COA7: variants seen among roughly 807,000 people sequenced by gnomAD.
The protein encoded by COA7 is Sel1 repeat containing 1.
COA7 carries 12 observed loss-of-function variants against 21.0 expected under a neutral mutation model. The observed-to-expected ratio is 0.57, with a 90% confidence interval of 0.37 to 0.92. The LOEUF (loss-of-function observed/expected upper bound fraction) is 0.92. Ranked by LOEUF, COA7 falls within the 40% of genes least tolerant of loss-of-function variation. The pLI is 0.01. For missense variants in COA7, 240 were observed against 286.1 expected (o/e 0.84, Z 1.16); for synonymous variants, 95 against 107.4 (o/e 0.88, Z 0.72).
intron 1 of COA7, 112 bp from the exon 2 acceptor site, chr1:52,692,979 A>G: frequency 1.8e-6 from 2 of 1,137,214 alleles, no homozygotes; most frequent in African/African-American, 3.0e-5. Flanking sequence ...CTTTTAAGAC[A>G]GCCCCTGTCC....
rs957794234 is a variant in COA7, at chr1:52,697,271, A to G, written c.106+950T>C. On this transcript the variant is annotated intron_variant, in intron 1 of 2. Coordinates refer to ENST00000371538, the MANE Select transcript of COA7 (RefSeq NM_023077.3). ...ATACAAAAAATAAAAATAAAGCAAG[A>G]AGAAGAAAACCACCCAAAGGTATTA... is the stretch of plus-strand genomic sequence containing the variant. Among the ~76,000 whole-genome samples the G allele has an allele frequency of 7.2e-5, 11 of 152,226 alleles. No homozygotes were observed. The East Asian group carries it at 2.1e-3, about 29-fold the overall frequency.
chr1:52,691,625 C>T (rs1295094956), intron 2 of COA7, among the ~76,000 whole-genome samples: 9 of 151,934 alleles, frequency 5.9e-5, no homozygotes, highest in Non-Finnish European at 8.8e-5. Context: ...GTGCGCGCCA[C>T]CACGCCCAGC....
At chr1:52,697,802 G>C (rs944350170) in intron 1 of COA7, 2 of 157,324 alleles carry the variant, frequency 1.3e-5, no homozygotes, top group African/African-American at 4.8e-5. Flanking sequence ...TCGATCTCCT[G>C]ACCTCGTGAT....
rs1644015279 is a variant in COA7 at position 52,687,666 on chromosome 1, A to G, written c.*54T>C. 6.4e-7 allele frequency: 1 copy of G among 1,554,510 alleles called. No individual in the cohort carries two copies. On this transcript the variant is annotated 3_prime_UTR_variant, in exon 3 of 3. Transcript: ENST00000371538. ...TCAAGGGCTGCATCAGTCTTCAGAA[A>G]CAGGAGCTGCCAGCCTCAAGCAGTT...
chr1:52,688,004 A>C lies in COA7; in HGVS notation c.412T>G (p.Tyr138Asp), dbSNP rs2149903494. 6.2e-7 allele frequency: 1 copy of C among 1,614,180 alleles called. No individual in the cohort carries two copies. Among genetic ancestry groups the C allele is most frequent in the Non-Finnish European group, 8.5e-7 (1 of 1,180,042 alleles). ...TAGCCACCATCACAGGCCCTTGTGT[A>C]GTAGTCCCTGGCCTTTCCCAAGTCA... ...QPDLGKARDY[Y>D]TRACDGGYTS... Residue 138 changes from tyrosine (Y) to aspartate (D), a missense_variant, in exon 3 of 3, where the codon TAC becomes GAC. Physicochemically the swap from Tyr to Asp is radical, Grantham distance 160. This residue lies in a region of COA7 where 163 missense variants were observed against 214.1 expected (regional missense o/e 0.76). Transcript: ENST00000371538.
At chr1:52,695,032 G>A (rs1214154799) in intron 1 of COA7, among the ~76,000 whole-genome samples, 1 of 152,276 alleles carries the variant, frequency 6.6e-6, no homozygotes, top group East Asian at 1.9e-4. Context: ...GGTGGCTCAT[G>A]CCTGTAATCC....
Position 52,687,373 on chromosome 1 carries a change from A to C in COA7, c.*347T>G. On this transcript the variant is annotated 3_prime_UTR_variant, in exon 3 of 3. Coordinates refer to ENST00000371538, the MANE Select transcript of COA7 (RefSeq NM_023077.3). ...TTCCTGCTATCCTCCCTTCCCTACT[A>C]CCAATCTCCAGGGCTCTCTAGTTTG... The C allele has an allele frequency of 4.4e-6, 1 of 227,236 alleles. No homozygotes were observed. The highest frequency in any genetic ancestry group is 8.7e-6 in the Non-Finnish European group (1 of 114,984). The allele number at this position is 227,236 out of a possible 1,614,324, so 14.1% of individuals were successfully genotyped here. A position where few individuals can be genotyped will look rare whatever the true frequency, so the allele number is the denominator to read the frequency against.
intron 1 of COA7, among the ~76,000 whole-genome samples, chr1:52,694,642 G>A (rs1335722901): frequency 6.6e-6 from 1 of 152,064 alleles, no homozygotes; most frequent in Non-Finnish European, 1.5e-5. Context: ...GAGCCACTGG[G>A]GAGGGGCTCA....
chr1:52,691,818 C>T (rs1175591267), intron 2 of COA7, among the ~76,000 whole-genome samples: 1 of 151,914 alleles, frequency 6.6e-6, no homozygotes, highest in Non-Finnish European at 1.5e-5. Flanking sequence ...ATATTCCTTC[C>T]TCTTCAAGAA....
chr1:52,687,434 C>T lies in COA7; in HGVS notation c.*286G>A. ...TCACAGAGTTGCCAGAGTTTGAAAA[C>T]TAAGACCCCCATAAACATGGCTATC... On this transcript the variant is annotated 3_prime_UTR_variant, in exon 3 of 3. Transcript: ENST00000371538. 8.0e-6 allele frequency: 3 copies of T among 376,158 alleles called. 1 individual carries two copies. The South Asian group carries it at 1.6e-4, about 20-fold the overall frequency. 23.3% of individuals were successfully genotyped at this position (376,158 alleles called of 1,614,324 possible). A position where few individuals can be genotyped will look rare whatever the true frequency, so the allele number is the denominator to read the frequency against.
At chr1:52,695,324 G>C (rs1424637281) in intron 1 of COA7, among the ~76,000 whole-genome samples, 1 of 148,860 alleles carries the variant, frequency 6.7e-6, no homozygotes, top group Non-Finnish European at 1.5e-5. Flanking sequence ...AAAAAGCCAG[G>C]CGTGGTGGAA....
rs755296324 is a variant in COA7, at chr1:52,698,208, T to C, written c.106+13A>G. 1.3e-6 allele frequency: 2 copies of C among 1,594,582 alleles called. No homozygotes were observed. The highest frequency in any genetic ancestry group is 2.2e-5 in the South Asian group (2 of 90,700). ...TCCCCGACGCGTCGCCGGGCTGCGCTGGAGCCGCTCACCGTCCGGGTCCTT... is the reference window on the plus strand; with the variant it reads ...TCCCCGACGCGTCGCCGGGCTGCGCCGGAGCCGCTCACCGTCCGGGTCCTT... On this transcript the variant is annotated intron_variant, in intron 1 of 2. Coordinates refer to ENST00000371538, the MANE Select transcript of COA7 (RefSeq NM_023077.3).
chr1:52,689,156 TA>T (rs1644026330), intron 2 of COA7, among the ~76,000 whole-genome samples: 1 of 151,564 alleles, frequency 6.6e-6, no homozygotes, highest in African/African-American at 2.4e-5. Flanking sequence ...TTATTATTAT[TA>T]TTATTTTTTT....
In COA7 at chr1:52,687,372, T is replaced by C. The variant is rs407856; in HGVS notation, c.*348A>G. On this transcript the variant is annotated 3_prime_UTR_variant, in exon 3 of 3. Coordinates refer to ENST00000371538, the MANE Select transcript of COA7 (RefSeq NM_023077.3). ...CTTCCTGCTATCCTCCCTTCCCTAC[T>C]ACCAATCTCCAGGGCTCTCTAGTTT... 94,563 of 223,984 alleles carry C rather than the reference T, an allele frequency of 0.42. 23,141 individuals carry two copies. Among genetic ancestry groups the C allele is most frequent in the African/African-American group, 0.72 (31,942 of 44,136 alleles). The allele number at this position is 223,984 out of a possible 1,614,324, so 13.9% of individuals were successfully genotyped here.
intron 1 of COA7, among the ~76,000 whole-genome samples, chr1:52,695,292 T>C (rs1571719838): frequency 1.0e-5 from 1 of 96,340 alleles, no homozygotes; most frequent in South Asian, 3.8e-4. Flanking sequence ...AGACTCAGCC[T>C]CAGGGAAAAA....
At chr1:52,698,113 C>T in intron 1 of COA7, 108 bp downstream of exon 1, 1 of 810,166 alleles carries the variant, frequency 1.2e-6, no homozygotes, top group Non-Finnish European at 2.0e-6. Flanking sequence ...AGACCCCGTC[C>T]CCCGCCCGCC....
In COA7 at chr1:52,687,999, T is replaced by G. The variant is rs756268069; in HGVS notation, c.417A>C (p.Thr139=). The G allele has an allele frequency of 6.2e-7, 1 of 1,614,142 alleles. No individual in the cohort carries two copies. The highest frequency in any genetic ancestry group is 8.5e-7 in the Non-Finnish European group (1 of 1,180,026). ...PDLGKARDYY[T]RACDGGYTSS... The stretch of plus-strand genomic sequence containing the variant: ...AAGTATAGCCACCATCACAGGCCCT[T>G]GTGTAGTAGTCCCTGGCCTTTCCCA... Residue 139 remains threonine, a synonymous_variant, in exon 3 of 3, where the codon ACA becomes ACC. Transcript: ENST00000371538.
At chr1:52,694,461 G>GGAAAAAAAA (rs751466526) in intron 1 of COA7, among the ~76,000 whole-genome samples, 1 of 65,000 alleles carries the variant, frequency 1.5e-5, no homozygotes. Context: ...ACTCCATCTC[G>GGAAAAAAAA]AAAAAAAAAA....
At chr1:52,692,278 A>G (rs1334045532) in intron 2 of COA7, among the ~76,000 whole-genome samples, 1 of 152,234 alleles carries the variant, frequency 6.6e-6, no homozygotes, top group African/African-American at 2.4e-5. Context: ...CTATTTTGTT[A>G]TTTAGCCATA....
Sources: allele counts gnomAD v4.1 joint callset (sites outside exome capture counted in the v4.1 genomes callset), GRCh38; gene constraint gnomAD v4.1.1; regional missense constraint gnomAD v4.1.1; transcripts MANE v1.5; gene names NCBI Gene and HGNC (gene_info 2026-07-23, HGNC 2026-07-21).